PBRM1: variants seen among roughly 807,000 people sequenced by gnomAD.
The protein encoded by PBRM1 is protein polybromo-1.
Under a neutral mutation model 194.5 loss-of-function variants are expected in PBRM1, and 27 were observed. The ratio of observed to expected loss-of-function variants is 0.14; its 90% CI spans 0.10 to 0.19. The LOEUF is 0.19. PBRM1 is among the 10% of genes least tolerant of loss of function. The probability of loss-of-function intolerance (pLI) is 1.00; values close to 1 mark genes in which losing one functional copy is unlikely to be tolerated. For synonymous variants in PBRM1, 655 were observed against 693.2 expected (o/e 0.94, Z 0.87); for missense variants, 1,466 against 2,077.2 (o/e 0.71, Z 5.72).
intron 4 of PBRM1, 141 bp downstream of exon 5, chr3:52,661,992 G>T: frequency 1.3e-6 from 1 of 793,826 alleles, no homozygotes; most frequent in South Asian, 1.9e-5. Context: ...CTCTCTGGCT[G>T]AATGTCCTTT....
intron 16 of PBRM1, among the ~76,000 whole-genome samples, chr3:52,607,617 G>A (rs1487464996): frequency 6.6e-6 from 1 of 152,182 alleles, no homozygotes; most frequent in Non-Finnish European, 1.5e-5. Context: ...GAAGGGAGGG[G>A]TATTAGACTT....
intron 17 of PBRM1, among the ~76,000 whole-genome samples, chr3:52,599,307 CTTCT>C (rs1185547071): frequency 2.6e-5 from 4 of 152,176 alleles, no homozygotes; most frequent in African/African-American, 9.6e-5. Context: ...GGATTTATCA[CTTCT>C]TTATGTTGAG....
downstream of PBRM1, chr3:52,545,699 C>A (rs938098158): frequency 6.9e-5 from 16 of 233,188 alleles, no homozygotes; most frequent in African/African-American, 3.1e-4. Flanking sequence ...AGGTTCCCCT[C>A]AGTCCCCCCG....
chr3:52,665,174 A>C (rs1341212053), intron 3 of PBRM1, among the ~76,000 whole-genome samples: 2 of 152,158 alleles, frequency 1.3e-5, no homozygotes, highest in South Asian at 4.1e-4. Flanking sequence ...TATTGTTTTT[A>C]AAGACAGGAT....
At chr3:52,685,789 A>T in exon 1 of PBRM1, 1 of 268,044 alleles carries the variant, frequency 3.7e-6, no homozygotes, top group Non-Finnish European at 6.9e-6. Flanking sequence ...GCGGTCACCG[A>T]CCGCCGCGCC....
chr3:52,617,148 C>T (rs2095004780), intron 14 of PBRM1, 114 bp downstream of exon 16: 1 of 772,286 alleles, frequency 1.3e-6, no homozygotes, highest in African/African-American at 1.8e-5. Flanking sequence ...AACCTAGTCA[C>T]CAAAAAGAAT....
chr3:52,668,318 C>T (rs77537405), intron 3 of PBRM1, among the ~76,000 whole-genome samples, 180 bp downstream of exon 4: 22 of 152,032 alleles, frequency 1.4e-4, no homozygotes, highest in African/African-American at 5.3e-4. Flanking sequence ...AATTAAAATA[C>T]GTAAATAAAT....
At chr3:52,652,319 G>A (rs984380501) in intron 5 of PBRM1, among the ~76,000 whole-genome samples, 1 of 151,018 alleles carries the variant, frequency 6.6e-6, no homozygotes, top group Non-Finnish European at 1.5e-5. Context: ...GGGAGGCAGA[G>A]ATTGCAGTGA....
intron 15 of PBRM1, among the ~76,000 whole-genome samples, chr3:52,612,631 C>T (rs1054490396): frequency 2.4e-4 from 37 of 151,978 alleles, no homozygotes; most frequent in African/African-American, 8.9e-4. Context: ...CTGCTGGGTG[C>T]GGTGGCTCAT....
intron 4 of PBRM1, among the ~76,000 whole-genome samples, chr3:52,659,569 G>A (rs1577859735): frequency 6.6e-6 from 1 of 152,070 alleles, no homozygotes; most frequent in African/African-American, 2.4e-5. Context: ...CCACAGATGT[G>A]TACCACCATG....
At position 52,647,810 on chromosome 3, in the gene PBRM1, T is replaced by C. The variant is rs567044918; in HGVS notation, c.813+534A>G. Among the ~76,000 whole-genome samples the C allele has an allele frequency of 3.3e-5, 5 of 152,172 alleles. No homozygotes were observed. In the South Asian group the frequency reaches 1.0e-3, roughly 32 times the overall value. ...ACAGAGACTGAAAATAGATTTGAGG[T>C]TGCTTAGGGCTAGAGAAGTTGGGGG... is the stretch of plus-strand genomic sequence containing the variant. On this transcript the variant is annotated intron_variant, in intron 7 of 29. Coordinates refer to ENST00000296302, the Ensembl canonical transcript of PBRM1.
chr3:52,554,814 T>C, exon 27 of PBRM1: 1 of 1,598,382 alleles, frequency 6.3e-7, no homozygotes, highest in African/African-American at 1.3e-5. Flanking sequence ...ATGCTGCCCA[T>C]GCTAACAAGG....
At chr3:52,632,535 C>T (rs191025590) in intron 11 of PBRM1, among the ~76,000 whole-genome samples, 11 of 152,056 alleles carry the variant, frequency 7.2e-5, no homozygotes, top group East Asian at 1.9e-4. Context: ...TGCCAGCTTA[C>T]GCAACAGAGC....
intron 21 of PBRM1, among the ~76,000 whole-genome samples, chr3:52,578,510 C>T (rs2090272799): frequency 6.6e-6 from 1 of 152,216 alleles, no homozygotes; most frequent in Non-Finnish European, 1.5e-5. Flanking sequence ...TCCTCTCCTA[C>T]CCAACCCTAT....
upstream of PBRM1, chr3:52,681,848 G>C (rs1002793926): frequency 3.4e-6 from 1 of 298,196 alleles, no homozygotes; most frequent in Admixed American, 6.3e-5. Flanking sequence ...GGCAGAGAAG[G>C]GGGAAATAGA....
intron 10 of PBRM1, among the ~76,000 whole-genome samples, chr3:52,639,274 C>T (rs1311309939): frequency 2.0e-5 from 3 of 152,144 alleles, no homozygotes; most frequent in Non-Finnish European, 4.4e-5. Context: ...CCAAGCCTGG[C>T]CTTATTCACA....
exon 3 of PBRM1, chr3:52,668,608 T>C: frequency 6.2e-7 from 1 of 1,603,738 alleles, no homozygotes; most frequent in Non-Finnish European, 8.5e-7. Flanking sequence ...ATCAAGTCAA[T>C]GGGCTGAGAA....
chr3:52,582,449 G>A (rs2091487461), intron 20 of PBRM1, among the ~76,000 whole-genome samples: 2 of 120,740 alleles, frequency 1.7e-5, no homozygotes, highest in Admixed American at 2.0e-4. Context: ...TCGCTCTGTT[G>A]CCTAGGCTGG....
At chr3:52,581,019 TTATAAA>T (rs2091022772) in intron 20 of PBRM1, among the ~76,000 whole-genome samples, 1 of 152,348 alleles carries the variant, frequency 6.6e-6, no homozygotes, top group African/African-American at 2.4e-5. Flanking sequence ...AGGCTAGATG[TTATAAA>T]TATATTAACT....
Sources: gnomAD v4.1 joint callset for allele counts (sites outside exome capture counted in the v4.1 genomes callset) on GRCh38, gnomAD v4.1.1 for gene constraint, MANE v1.5 for transcripts, NCBI Gene and HGNC (gene_info 2026-07-23, HGNC 2026-07-21) for gene names.